Variants in MIR2052HG observed in about 807,000 individuals in gnomAD.
MIR2052HG encodes the protein MIR2052 host gene.
intron 1 of MIR2052HG, among the ~76,000 whole-genome samples, chr8:74,601,677 A>G (rs1040516576): frequency 2.0e-5 from 3 of 152,204 alleles, no homozygotes; most frequent in Non-Finnish European, 2.9e-5. Flanking sequence ...ATATTTTAGG[A>G]TAAGAGCTCA....
At chr8:74,723,939 C>T (rs1234094802) in intron 4 of MIR2052HG, among the ~76,000 whole-genome samples, 1 of 152,178 alleles carries the variant, frequency 6.6e-6, no homozygotes, top group African/African-American at 2.4e-5. Context: ...AATAGACTAG[C>T]ATTTTGCATT....
chr8:74,733,328 A>T (rs1173552159), intron 4 of MIR2052HG, among the ~76,000 whole-genome samples: 1 of 151,648 alleles, frequency 6.6e-6, no homozygotes, highest in Non-Finnish European at 1.5e-5. Flanking sequence ...GAGTATATGC[A>T]GTGTTTGGTT....
At chr8:74,610,873 A>G (rs1808184814) in intron 1 of MIR2052HG, among the ~76,000 whole-genome samples, 1 of 152,072 alleles carries the variant, frequency 6.6e-6, no homozygotes, top group Non-Finnish European at 1.5e-5. Flanking sequence ...ACCAAAAAGT[A>G]TCAAGCTAAA....
intron 5 of MIR2052HG, among the ~76,000 whole-genome samples, chr8:74,753,426 G>T (rs1230077630): frequency 6.6e-6 from 1 of 152,164 alleles, no homozygotes; most frequent in Non-Finnish European, 1.5e-5. Flanking sequence ...TATTTTAGAA[G>T]TGGAAAATCA....
chr8:74,601,371 A>C (rs902003476), intron 1 of MIR2052HG, among the ~76,000 whole-genome samples: 7 of 152,134 alleles, frequency 4.6e-5, no homozygotes, highest in African/African-American at 1.4e-4. Flanking sequence ...GTGTGCCCAT[A>C]ACATAAGGGG....
intron 2 of MIR2052HG, among the ~76,000 whole-genome samples, chr8:74,654,986 A>C (rs1586904837): frequency 6.6e-6 from 1 of 152,320 alleles, no homozygotes; most frequent in South Asian, 2.1e-4. Flanking sequence ...CTTGTTGGCA[A>C]CTGGAGCAAA....
chr8:74,610,797 T>C (rs1307331436), intron 1 of MIR2052HG, among the ~76,000 whole-genome samples: 1 of 151,886 alleles, frequency 6.6e-6, no homozygotes, highest in Non-Finnish European at 1.5e-5. Context: ...TGAATAACAA[T>C]TGAATAACAA....
chr8:74,607,047 A>C (rs978227252), intron 1 of MIR2052HG, among the ~76,000 whole-genome samples: 64 of 152,218 alleles, frequency 4.2e-4, no homozygotes, highest in African/African-American at 1.4e-3. Flanking sequence ...GATTGGAGAA[A>C]AAAGCAAGAT....
At chr8:74,669,574 A>G (rs1158284830) in intron 2 of MIR2052HG, among the ~76,000 whole-genome samples, 1 of 151,886 alleles carries the variant, frequency 6.6e-6, no homozygotes, top group Non-Finnish European at 1.5e-5. Flanking sequence ...TTTCACCAGA[A>G]CCCCATATGA....
At chr8:74,668,655 GA>G (rs1808957968) in intron 2 of MIR2052HG, among the ~76,000 whole-genome samples, 1 of 152,156 alleles carries the variant, frequency 6.6e-6, no homozygotes, top group Non-Finnish European at 1.5e-5. Context: ...CCTTCTTCAG[GA>G]ACAAAGGAAT....
chr8:74,674,669 C>T (rs559899802), intron 2 of MIR2052HG, among the ~76,000 whole-genome samples: 62 of 151,912 alleles, frequency 4.1e-4, no homozygotes, highest in South Asian at 8.3e-4. Context: ...AATCTCTCTC[C>T]ATCTTTTTCA....
intron 2 of MIR2052HG, among the ~76,000 whole-genome samples, chr8:74,695,121 T>G (rs941566622): frequency 2.6e-5 from 4 of 152,124 alleles, no homozygotes; most frequent in African/African-American, 9.7e-5. Context: ...AGCAGAAACC[T>G]TACAAGCTGG....
At chr8:74,720,185 G>A (rs897390567) in intron 4 of MIR2052HG, among the ~76,000 whole-genome samples, 8 of 152,088 alleles carry the variant, frequency 5.3e-5, no homozygotes, top group African/African-American at 1.9e-4. Flanking sequence ...ACATTTGTGA[G>A]TGTAGAAATC....
At chr8:74,746,824 G>A (rs948569287) in intron 4 of MIR2052HG, among the ~76,000 whole-genome samples, 44 of 151,966 alleles carry the variant, frequency 2.9e-4, no homozygotes, top group African/African-American at 1.0e-3. Context: ...AAAGGTAACA[G>A]TATGATCAAG....
At chr8:74,696,863 G>A (rs1230715624) in intron 2 of MIR2052HG, among the ~76,000 whole-genome samples, 2 of 151,776 alleles carry the variant, frequency 1.3e-5, no homozygotes, top group African/African-American at 2.4e-5. Flanking sequence ...AGGACCAGAT[G>A]GTTTCACAGC....
At chr8:74,713,533 A>G (rs780259607) in intron 4 of MIR2052HG, among the ~76,000 whole-genome samples, 2 of 149,882 alleles carry the variant, frequency 1.3e-5, no homozygotes, top group African/African-American at 2.5e-5. Context: ...TTCATTTGTG[A>G]TTCCTTAATT....
At chr8:74,713,541 AT>A in intron 4 of MIR2052HG, among the ~76,000 whole-genome samples, 1 of 151,022 alleles carries the variant, frequency 6.6e-6, no homozygotes, top group Admixed American at 6.6e-5. Context: ...TGATTCCTTA[AT>A]TTTTTACTTC....
rs180833967 is a variant in MIR2052HG at position 74,604,838 on chromosome 8, T to C, written n.128+4930T>C. On this transcript the variant is annotated intron_variant and non_coding_transcript_variant, in intron 1 of 6. Coordinates refer to ENST00000523442, the Ensembl canonical transcript of MIR2052HG. ...TGAACTCCTGACCTCAAGTGATCCT[T>C]CCATCTCAGCCTCCGAAAGTGCTGG... Among the ~76,000 whole-genome samples, 755 of 152,014 alleles carry C rather than the reference T, an allele frequency of 5.0e-3. 12 individuals carry two copies. Among genetic ancestry groups the C allele is most frequent in the African/African-American group, 0.017 (706 of 41,466 alleles).
intron 2 of MIR2052HG, among the ~76,000 whole-genome samples, chr8:74,661,191 G>T (rs1221502120): frequency 1.3e-5 from 2 of 149,014 alleles, no homozygotes; most frequent in South Asian, 4.2e-4. Flanking sequence ...CTGGATGCCA[G>T]CTTAGGTCCT....
Sources: gnomAD v4.1 joint callset for allele counts (sites outside exome capture counted in the v4.1 genomes callset) on GRCh38, gnomAD v4.1.1 for gene constraint, MANE v1.5 for transcripts, NCBI Gene and HGNC (gene_info 2026-07-23, HGNC 2026-07-21) for gene names.